SPIB: variants seen among roughly 807,000 people sequenced by gnomAD.
The protein encoded by SPIB is transcription factor Spi-B.
In SPIB, 7 loss-of-function variants were observed where a neutral mutation model predicts 31.9. The observed-to-expected ratio is 0.22, with a 90% CI of 0.12 to 0.41. The LOEUF (loss-of-function observed/expected upper bound fraction) is 0.41. SPIB is among the 10% of genes least tolerant of loss of function. The pLI is 1.00. For missense variants in SPIB, 327 were observed against 360.2 expected, an observed-to-expected ratio of 0.91 and a Z score of 0.75; for synonymous variants, 176 against 158.9, an observed-to-expected ratio of 1.11 and a Z score of -0.81.
chr19:50,425,607 A>AT (rs574904348), intron 5 of SPIB, among the ~76,000 whole-genome samples: 298 of 152,094 alleles, frequency 2.0e-3, no homozygotes, highest in African/African-American at 6.9e-3. Context: ...CACCTGACTA[A>AT]TTTTTAAAAT....
chr19:50,427,551 A>C (rs2122557133), intron 5 of SPIB, among the ~76,000 whole-genome samples: 1 of 152,312 alleles, frequency 6.6e-6, no homozygotes, highest in East Asian at 1.9e-4. Flanking sequence ...CTAGGAGCCC[A>C]GGAGTCAGGT....
intron 5 of SPIB, among the ~76,000 whole-genome samples, chr19:50,427,346 GA>G (rs2039577522): frequency 6.6e-6 from 1 of 152,086 alleles, no homozygotes; most frequent in African/African-American, 2.4e-5. Context: ...CCAACATGGC[GA>G]AACCCCGTCT....
rs1436725243 is a variant in SPIB, at chr19:50,422,533, G to C, written c.112G>C (p.Glu38Gln). ...SCKHSSYPDSEGAPDSLWDWT... is the reference protein window; with the variant it reads ...SCKHSSYPDSQGAPDSLWDWT... Reference sequence around the variant, plus strand: ...CAAGCATTCCAGCTACCCTGATTCAGAGGGGGCTCCTGGTGAGTGACCCCA... The same window carrying C: ...CAAGCATTCCAGCTACCCTGATTCACAGGGGGCTCCTGGTGAGTGACCCCA... The change falls in exon 3 of 6, where the codon GAG becomes CAG. Residue 38 changes from glutamate to glutamine, a missense_variant. Transcript: ENST00000595883. 1 of 1,613,972 alleles carries C rather than the reference G, an allele frequency of 6.2e-7. No individual in the cohort carries two copies.
chr19:50,423,819 CA>C, intron 5 of SPIB, 64 bp downstream of exon 5: 2 of 1,536,632 alleles, frequency 1.3e-6, no homozygotes, highest in Non-Finnish European at 1.8e-6. Context: ...CTGAGAGCAC[CA>C]TGGCTTCCTG....
At chr19:50,426,773 G>A (rs2039569748) in intron 5 of SPIB, among the ~76,000 whole-genome samples, 1 of 152,072 alleles carries the variant, frequency 6.6e-6, no homozygotes, top group African/African-American at 2.4e-5. Flanking sequence ...GGGATCACAG[G>A]CATGGCCCAC....
chr19:50,421,414 C>T (rs1175864351), intron 2 of SPIB, among the ~76,000 whole-genome samples: 1 of 152,112 alleles, frequency 6.6e-6, no homozygotes, highest in Non-Finnish European at 1.5e-5. Flanking sequence ...CCTCAGCCTC[C>T]TGGGTTCAAG....
chr19:50,423,533 C>G, intron 4 of SPIB, 72 bp from the exon 5 acceptor site: 1 of 1,569,552 alleles, frequency 6.4e-7, no homozygotes, highest in Non-Finnish European at 8.7e-7. Context: ...GGGCCACCGC[C>G]TTGGCCTGAG....
Position 50,420,255 on chromosome 19 carries a change from A to T in SPIB, c.51+282A>T, listed in dbSNP as rs142362021. On this transcript the variant is annotated intron_variant, in intron 2 of 5. Coordinates refer to ENST00000595883, the MANE Select transcript of SPIB (RefSeq NM_003121.5). ...TTTCCTTCTTTTTGTTCGTATTTTTAAAAATTGTGTTCTCTAACAGTTCAG... is the reference window on the plus strand; with the variant it reads ...TTTCCTTCTTTTTGTTCGTATTTTTTAAAATTGTGTTCTCTAACAGTTCAG... Among the ~76,000 whole-genome samples, 1,468 of 152,100 alleles carry T rather than the reference A, an allele frequency of 9.7e-3. 30 individuals are homozygous for T. Among genetic ancestry groups the T allele is most frequent in the African/African-American group, 0.033 (1,376 of 41,448 alleles).
At chr19:50,420,788 C>T (rs1182525508) in intron 2 of SPIB, among the ~76,000 whole-genome samples, 15 of 152,116 alleles carry the variant, frequency 9.9e-5, no homozygotes, top group Non-Finnish European at 1.5e-4. Flanking sequence ...CCACCATGCC[C>T]AGCTAATTTT....
rs1297372774 is a variant in SPIB, at chr19:50,422,474, A to T, written c.53A>T (p.Tyr18Phe). 1 of 1,613,868 alleles carries T rather than the reference A, an allele frequency of 6.2e-7. No individual in the cohort carries two copies. Residue 18 changes from tyrosine (Y) to phenylalanine (F), a missense_variant and splice_region_variant, in exon 3 of 6, where the codon TAC becomes TTC. Tyr to Phe is a conservative substitution (Grantham distance 22). Around this residue, in one of 4 missense-constraint regions of SPIB, gnomAD observed 238 missense variants for 228.8 expected, o/e 1.04. Transcript: ENST00000595883. ...QLDGPHFSCL[Y>F]PDGVFYDLDS... ...CTTCCCTCCTGCACCCCGTATCAGT[A>T]CCCAGATGGCGTCTTCTATGACCTG...
chr19:50,428,698 G>A lies in SPIB; in HGVS notation c.*362G>A. 3.8e-6 allele frequency: 1 copy of A among 266,510 alleles called. No homozygotes were observed. The highest frequency in any genetic ancestry group is 5.3e-5 in the Admixed American group (1 of 18,750). The allele number at this position is 266,510 out of a possible 1,614,324, so 16.5% of individuals were successfully genotyped here. On this transcript the variant is annotated 3_prime_UTR_variant, in exon 6 of 6. Coordinates refer to ENST00000595883, the MANE Select transcript of SPIB (RefSeq NM_003121.5). This position sits in a 1 kb window ranked among gnomAD's most constrained non-coding sequence, Gnocchi z 6.5. ...TTGTGATATCTGATTCCCCAGTGAG[G>A]CCTGGGACGTTTTTAAGATCGCTGT...
At chr19:50,427,706 T>C (rs1263537751) in intron 5 of SPIB, among the ~76,000 whole-genome samples, 1 of 152,236 alleles carries the variant, frequency 6.6e-6, no homozygotes, top group African/African-American at 2.4e-5. Context: ...GTCAACCCAT[T>C]TCACAGATTC....
At chr19:50,421,165 A>G (rs1353164070) in intron 2 of SPIB, among the ~76,000 whole-genome samples, 1 of 152,138 alleles carries the variant, frequency 6.6e-6, no homozygotes, top group Non-Finnish European at 1.5e-5. Context: ...GAACAAGGCT[A>G]TTTTGTGCAC....
In SPIB at chr19:50,429,305, C is replaced by CA. The variant is rs1249217862; in HGVS notation, c.*971dup. 6.6e-6 allele frequency: 1 copy of CA among 152,454 alleles called. No homozygotes were observed. The highest frequency in any genetic ancestry group is 2.4e-5 in the African/African-American group (1 of 41,442). 9.4% of individuals were successfully genotyped at this position (152,454 alleles called of 1,614,324 possible). A position where few individuals can be genotyped will look rare whatever the true frequency, so the allele number is the denominator to read the frequency against. On this transcript the variant is annotated 3_prime_UTR_variant, in exon 6 of 6. Transcript: ENST00000595883. Reference sequence around the variant, plus strand: ...CCATGTCATTTCTAACCAGAAGTCTCAAGGTCGTCACCCCCCTGCCCCCCA... The same window carrying CA: ...CCATGTCATTTCTAACCAGAAGTCTCAAAGGTCGTCACCCCCCTGCCCCCCA...
chr19:50,431,110 C>G lies in SPIB; in HGVS notation c.*2774C>G, dbSNP rs1046002485. 70 of 152,384 alleles carry G rather than the reference C, an allele frequency of 4.6e-4. No homozygotes were observed. Among genetic ancestry groups the G allele is most frequent in the African/African-American group, 1.6e-3 (66 of 41,584 alleles). The allele number at this position is 152,384 out of a possible 1,614,324, so 9.4% of individuals were successfully genotyped here. On this transcript the variant is annotated 3_prime_UTR_variant, in exon 6 of 6. Transcript: ENST00000595883. Reference sequence around the variant, plus strand: ...CCTGCCCCTCCACTGAGGCCGCTGGCTCTCAGAGACACCGTGACATCACGG... The same window carrying G: ...CCTGCCCCTCCACTGAGGCCGCTGGGTCTCAGAGACACCGTGACATCACGG...
At position 50,423,764 on chromosome 19, in the gene SPIB, G is replaced by T. The variant is rs750621251; in HGVS notation, c.490+9G>T. The T allele has an allele frequency of 6.3e-7, 1 of 1,597,280 alleles. No individual in the cohort carries two copies. ...GAAGGGATCCGAGGCAGGTATGCGG[G>T]AGTGGCTGGGGTGGGGGAGATGCCA... On this transcript the variant is annotated intron_variant, in intron 5 of 5. Transcript: ENST00000595883.
chr19:50,425,657 A>G (rs753266616), intron 5 of SPIB, among the ~76,000 whole-genome samples: 1 of 151,728 alleles, frequency 6.6e-6, no homozygotes, highest in Non-Finnish European at 1.5e-5. Context: ...CCCAGGCTGA[A>G]CTCCCAACTC....
At chr19:50,419,022 C>G (rs1293235542) in intron 1 of SPIB, 37 bp downstream of exon 1, 1 of 1,550,070 alleles carries the variant, frequency 6.5e-7, no homozygotes, top group Non-Finnish European at 8.7e-7. Flanking sequence ...CCGGGGTCCC[C>G]ACCTGCACTG....
At chr19:50,419,669 CT>C in intron 1 of SPIB, among the ~76,000 whole-genome samples, 1 of 152,228 alleles carries the variant, frequency 6.6e-6, no homozygotes, top group Non-Finnish European at 1.5e-5. Flanking sequence ...CCCACACCTC[CT>C]TTCCGGGACT....
Sources: allele counts gnomAD v4.1 joint callset (sites outside exome capture counted in the v4.1 genomes callset), GRCh38; gene constraint gnomAD v4.1.1; regional missense constraint gnomAD v4.1.1; non-coding constraint Gnocchi (gnomAD v3.1); transcripts MANE v1.5; gene names NCBI Gene and HGNC (gene_info 2026-07-23, HGNC 2026-07-21).